Variants in ALPK2 observed in about 807,000 individuals in gnomAD.
ALPK2 encodes alpha kinase 2, also known as alpha-protein kinase 2.
In ALPK2, 127 loss-of-function variants were observed where a neutral mutation model predicts 163.1. The ratio of observed to expected loss-of-function variants is 0.78; its 90% CI spans 0.67 to 0.90. The LOEUF is 0.90. ALPK2 is among the 40% of genes least tolerant of loss of function. The pLI, the probability that ALPK2 is intolerant of heterozygous loss-of-function variation, is 0.00. For missense variants in ALPK2, 2,360 were observed against 2,589.6 expected, an observed-to-expected ratio of 0.91 and a Z score of 1.92; for synonymous variants, 953 against 959.1, an observed-to-expected ratio of 0.99 and a Z score of 0.12.
At chr18:58,556,290 G>A (rs536166664) in intron 4 of ALPK2, among the ~76,000 whole-genome samples, 1 of 152,102 alleles carries the variant, frequency 6.6e-6, no homozygotes, top group South Asian at 2.1e-4. Context: ...CACTGTTATC[G>A]ACAGTTATTT....
At chr18:58,600,776 G>A (rs1430703572) in intron 3 of ALPK2, 2 of 152,228 alleles carry the variant, frequency 1.3e-5, no homozygotes, top group Non-Finnish European at 2.9e-5. Context: ...TTGTGTCTGG[G>A]TGAGCACTCT....
rs796328165 is a variant in ALPK2 at position 58,554,679 on chromosome 18, C to T, written c.1963-16455G>A. 3.9e-5 allele frequency among the ~76,000 whole-genome samples: 6 copies of T among 152,314 alleles called. No homozygotes were observed. The South Asian group carries it at 8.3e-4, about 21-fold the overall frequency. The stretch of plus-strand genomic sequence containing the variant: ...CCGTGAAGTAACAGGCTTCTCTGCC[C>T]TCCCTTTTCTCAGGTCTGGAGATTC... On this transcript the variant is annotated intron_variant, in intron 4 of 12. Coordinates refer to ENST00000361673, the MANE Select transcript of ALPK2 (RefSeq NM_052947.4).
chr18:58,491,550 C>G (rs1042927981), intron 12 of ALPK2, among the ~76,000 whole-genome samples: 1 of 152,116 alleles, frequency 6.6e-6, no homozygotes, highest in African/African-American at 2.4e-5. Flanking sequence ...AGTCTTGTGG[C>G]CCCCACCCAG....
chr18:58,595,433 T>G (rs531716239), intron 3 of ALPK2, among the ~76,000 whole-genome samples: 1 of 152,336 alleles, frequency 6.6e-6, no homozygotes, highest in South Asian at 2.1e-4. Context: ...TTGAATTATA[T>G]TCCAGGATAC....
At chr18:58,562,328 A>C (rs889382326) in intron 4 of ALPK2, among the ~76,000 whole-genome samples, 1 of 152,208 alleles carries the variant, frequency 6.6e-6, no homozygotes, top group East Asian at 1.9e-4. Flanking sequence ...TGATCTAAAA[A>C]TTTACCTCCA....
chr18:58,485,356 A>G (rs368399722), intron 12 of ALPK2, among the ~76,000 whole-genome samples: 3 of 152,234 alleles, frequency 2.0e-5, no homozygotes, highest in East Asian at 3.9e-4. Context: ...TCCCTGTGCA[A>G]TCCAAGCTGG....
intron 1 of ALPK2, among the ~76,000 whole-genome samples, chr18:58,621,055 A>G (rs902645645): frequency 2.6e-5 from 4 of 151,260 alleles, no homozygotes; most frequent in African/African-American, 9.7e-5. Flanking sequence ...CAGGAGGCTG[A>G]GGCAGGAGGA....
intron 12 of ALPK2, among the ~76,000 whole-genome samples, chr18:58,492,207 CACAG>C (rs1376296271): frequency 1.3e-5 from 2 of 152,022 alleles, no homozygotes; most frequent in African/African-American, 4.8e-5. Flanking sequence ...CAGATATACA[CACAG>C]ACACACATGC....
chr18:58,554,642 C>T (rs1470355106), intron 4 of ALPK2, among the ~76,000 whole-genome samples: 2 of 152,148 alleles, frequency 1.3e-5, no homozygotes, highest in Non-Finnish European at 2.9e-5. Context: ...TTCAGTTGGT[C>T]CTTTCGACCA....
chr18:58,497,682 T>A (rs4555229), intron 12 of ALPK2, among the ~76,000 whole-genome samples: 149,127 of 151,926 alleles, frequency 0.98, 73,238 homozygotes, highest in Non-Finnish European at 1. Context: ...GCAAAAAAAA[T>A]TTTTTTTCAA....
intron 1 of ALPK2, among the ~76,000 whole-genome samples, chr18:58,624,550 G>A (rs887748263): frequency 2.6e-5 from 4 of 151,870 alleles, no homozygotes; most frequent in Non-Finnish European, 5.9e-5. Context: ...TGCCTCCCGG[G>A]TTCAAGCGAT....
intron 12 of ALPK2, among the ~76,000 whole-genome samples, chr18:58,490,006 G>A (rs1024131117): frequency 6.6e-6 from 1 of 152,074 alleles, no homozygotes; most frequent in African/African-American, 2.4e-5. Flanking sequence ...GCTTGAATGA[G>A]GTTGCAGTGA....
intron 3 of ALPK2, among the ~76,000 whole-genome samples, chr18:58,591,417 CTCAGGAG>C (rs2144210129): frequency 6.6e-6 from 1 of 152,320 alleles, no homozygotes; most frequent in Non-Finnish European, 1.5e-5. Flanking sequence ...AGGCTCTTTT[CTCAGGAG>C]CCTCCCATCC....
rs577197448 is a variant in ALPK2, at chr18:58,532,509, TG to T, written c.5353+2324del. Among the ~76,000 whole-genome samples the T allele has an allele frequency of 7.2e-5, 11 of 152,292 alleles. No homozygotes were observed. In the South Asian group the frequency reaches 2.3e-3, roughly 32 times the overall value. ...CCGTCACCAGATGACTCCTACCTTC[TG>T]GCCGAGGCCCTGAGTTTTTCAGAGA... On this transcript the variant is annotated intron_variant, in intron 5 of 12. Coordinates refer to ENST00000361673, the MANE Select transcript of ALPK2 (RefSeq NM_052947.4).
At chr18:58,492,474 C>A (rs1279979620) in intron 12 of ALPK2, among the ~76,000 whole-genome samples, 2 of 152,248 alleles carry the variant, frequency 1.3e-5, no homozygotes, top group Non-Finnish European at 2.9e-5. Flanking sequence ...CAGTGATAAC[C>A]TTTTTCTTGT....
intron 1 of ALPK2, among the ~76,000 whole-genome samples, chr18:58,621,441 G>T (rs986586596): frequency 2.0e-4 from 31 of 151,748 alleles, no homozygotes; most frequent in African/African-American, 1.7e-4. Context: ...CCGGCTAATT[G>T]TTTGTATTTT....
chr18:58,530,389 T>C (rs1004499067), intron 5 of ALPK2, among the ~76,000 whole-genome samples: 2 of 152,226 alleles, frequency 1.3e-5, no homozygotes, highest in Admixed American at 6.5e-5. Context: ...CAAGTACGTA[T>C]TGATGGCAAA....
chr18:58,608,403 A>C (rs916770904), intron 2 of ALPK2, among the ~76,000 whole-genome samples: 1 of 152,190 alleles, frequency 6.6e-6, no homozygotes, highest in African/African-American at 2.4e-5. Context: ...AACCTCCGGG[A>C]ATTTCATCCA....
chr18:58,524,611 C>G (rs1372222144), intron 6 of ALPK2, among the ~76,000 whole-genome samples: 2 of 152,154 alleles, frequency 1.3e-5, no homozygotes, highest in African/African-American at 4.8e-5. Flanking sequence ...AAAACTAAAA[C>G]TGGTGGTGGT....
Sources: allele counts gnomAD v4.1 joint callset (sites outside exome capture counted in the v4.1 genomes callset), GRCh38; gene constraint gnomAD v4.1.1; transcripts MANE v1.5; gene names NCBI Gene and HGNC (gene_info 2026-07-23, HGNC 2026-07-21).